The following CELF1 variants were observed in gnomAD, a reference collection of about 807,000 sequenced individuals.
CELF1 encodes the protein 50 kDa nuclear polyadenylated RNA-binding protein.
A neutral mutation model predicts 61.8 loss-of-function variants in CELF1; 10 were observed. The ratio of observed to expected loss-of-function variants is 0.16; its 90% CI spans 0.10 to 0.27. CELF1 has a LOEUF of 0.27. Among genes scored for constraint, CELF1 ranks in the 10% least tolerant of loss-of-function variants. The pLI, the probability that CELF1 is intolerant of heterozygous loss-of-function variation, is 1.00. For synonymous variants in CELF1, 236 were observed against 225.1 expected (o/e 1.05, Z -0.43); for missense variants, 380 against 639.1 (o/e 0.59, Z 4.37).
At position 47,487,242 on chromosome 11, in the gene CELF1, C is replaced by A; in HGVS notation, c.260-1G>T. ...GTGTAAAATGTAACAAAACAGCACC[C>A]TGCAATAAATAAGATTTCATAAAAT... On this transcript the variant is annotated splice_acceptor_variant, in intron 4 of 14. Transcript: ENST00000687097. LOFTEE classifies it high-confidence loss of function. The A allele has an allele frequency of 6.2e-7, 1 of 1,607,932 alleles. No individual in the cohort carries two copies. Among genetic ancestry groups the A allele is most frequent in the South Asian group, 1.1e-5 (1 of 90,810 alleles).
At chr11:47,503,841 T>C (rs1269568275) in intron 1 of CELF1, among the ~76,000 whole-genome samples, 2 of 152,196 alleles carry the variant, frequency 1.3e-5, no homozygotes, top group Non-Finnish European at 2.9e-5. Flanking sequence ...TTTCACTTTG[T>C]GGAAGATTTC....
At chr11:47,483,605 G>C (rs1345967326) in intron 7 of CELF1, 73 bp from the exon 8 acceptor site, 2 of 1,103,090 alleles carry the variant, frequency 1.8e-6, no homozygotes, top group African/African-American at 1.5e-5. Context: ...CACCTACTAT[G>C]TGCTGACTAT....
At chr11:47,562,317 G>C (rs958131176) in intron 2 of CELF1, among the ~76,000 whole-genome samples, 1 of 151,738 alleles carries the variant, frequency 6.6e-6, no homozygotes, top group Non-Finnish European at 1.5e-5. Context: ...CTTGAGTCCA[G>C]GAGTTCGAGA....
chr11:47,472,131 G>C lies in CELF1; in HGVS notation c.*99C>G, dbSNP rs2077891397. The C allele has an allele frequency of 1.4e-6, 2 of 1,410,548 alleles. No individual in the cohort carries two copies. The highest frequency in any genetic ancestry group is 2.3e-5 in the East Asian group (1 of 43,414). The allele number at this position is 1,410,548 out of a possible 1,614,324, so 87.4% of individuals were successfully genotyped here. ...CGAGAGTGGCAGGGATCAGGGTCCA[G>C]GGCTGTCAACACACAGCCTCAGGGC... On this transcript the variant is annotated 3_prime_UTR_variant, in exon 15 of 15. Coordinates refer to ENST00000687097, the MANE Select transcript of CELF1 (RefSeq NM_001376376.1).
chr11:47,488,797 A>G (rs775395685), intron 4 of CELF1, 40 bp downstream of exon 4: 12 of 1,381,816 alleles, frequency 8.7e-6, no homozygotes, highest in Non-Finnish European at 9.5e-6. Context: ...TCTGAGAGTC[A>G]GTGGAAAAAA....
chr11:47,564,050 G>A (rs1167630730), intron 2 of CELF1, among the ~76,000 whole-genome samples: 7 of 151,618 alleles, frequency 4.6e-5, no homozygotes, highest in African/African-American at 1.5e-4. Flanking sequence ...GCTTGGGCCG[G>A]GCGTGTGGCT....
intron 1 of CELF1, among the ~76,000 whole-genome samples, chr11:47,530,850 G>A (rs907925491): frequency 6.6e-6 from 1 of 152,078 alleles, no homozygotes. Context: ...AGCTACTTGA[G>A]AGGTTGAGGC....
intron 1 of CELF1, among the ~76,000 whole-genome samples, chr11:47,544,961 T>C (rs1223820716): frequency 2.6e-5 from 4 of 151,732 alleles, no homozygotes; most frequent in Non-Finnish European, 5.9e-5. Context: ...ACACTCACTC[T>C]CAAAAAAATA....
chr11:47,507,140 TAA>T (rs1187765262), intron 1 of CELF1, among the ~76,000 whole-genome samples: 1 of 152,214 alleles, frequency 6.6e-6, no homozygotes, highest in African/African-American at 2.4e-5. Flanking sequence ...CTAAAAGGTT[TAA>T]AAGAGTCTTG....
chr11:47,479,632 CAAAT>C (rs546423970), intron 9 of CELF1, among the ~76,000 whole-genome samples: 31 of 152,298 alleles, frequency 2.0e-4, no homozygotes, highest in African/African-American at 7.0e-4. Context: ...GGTCCCATGA[CAAAT>C]AAAGTAAGAG....
At chr11:47,527,205 A>G (rs550673722) in intron 1 of CELF1, among the ~76,000 whole-genome samples, 1 of 152,034 alleles carries the variant, frequency 6.6e-6, no homozygotes, top group Non-Finnish European at 1.5e-5. Flanking sequence ...AACACTAAAC[A>G]TAAGGAGACC....
At chr11:47,488,719 C>T in intron 4 of CELF1, 118 bp downstream of exon 4, 1 of 711,490 alleles carries the variant, frequency 1.4e-6, no homozygotes, top group Admixed American at 3.1e-5. Flanking sequence ...AGAGAATGCA[C>T]ATGAAAGAAA....
intron 10 of CELF1, 81 bp downstream of exon 10, chr11:47,478,796 G>T (rs150388672): frequency 2.6e-6 from 3 of 1,144,036 alleles, no homozygotes; most frequent in South Asian, 1.3e-5. Context: ...TCACAGAAAC[G>T]ATGCCAAACT....
chr11:47,547,065 CAAAAAAAAAAAAAAAAA>C (rs61222771), intron 1 of CELF1, among the ~76,000 whole-genome samples: 2 of 39,954 alleles, frequency 5.0e-5, no homozygotes, highest in South Asian at 1.6e-3. Flanking sequence ...AACTCCACCT[CAAAAAAAAAAAAAAAAA>C]AAAAAAAAAA....
At position 47,488,807 on chromosome 11, in the gene CELF1, A is replaced by G. The variant is rs560066380; in HGVS notation, c.259+30T>C. On this transcript the variant is annotated intron_variant, in intron 4 of 14. Transcript: ENST00000687097. ...CCTGCTCTGAGAGTCAGTGGAAAAA[A>G]TAAGATAAACCAAAACCCAAAGCCC... 1.8e-5 allele frequency: 26 copies of G among 1,406,960 alleles called. No individual in the cohort carries two copies. The South Asian group carries it at 3.9e-4, about 21-fold the overall frequency. 87.2% of individuals were successfully genotyped at this position (1,406,960 alleles called of 1,614,324 possible).
chr11:47,519,971 TGTC>T (rs1417888999), intron 1 of CELF1, among the ~76,000 whole-genome samples: 1 of 151,192 alleles, frequency 6.6e-6, no homozygotes, highest in Non-Finnish European at 1.5e-5. Context: ...AAATTTAACT[TGTC>T]AGTGCTTTGA....
At chr11:47,474,062 A>G (rs1204134273) in intron 13 of CELF1, among the ~76,000 whole-genome samples, 1 of 151,968 alleles carries the variant, frequency 6.6e-6, no homozygotes, top group Non-Finnish European at 1.5e-5. Context: ...AGGCGCCACC[A>G]TGCCTGGCGT....
chr11:47,473,259 T>C lies in CELF1; in HGVS notation c.1274-28A>G, dbSNP rs760936525. On this transcript the variant is annotated intron_variant, in intron 13 of 14. Transcript: ENST00000687097. ...TCAAAATACCCAGGAATTGGAAAAG[T>C]ATCAGTGTCAAACATGCTCGTCGCC... 1.9e-6 allele frequency: 3 copies of C among 1,607,024 alleles called. No homozygotes were observed. The South Asian group carries it at 3.3e-5, about 18-fold the overall frequency.
At chr11:47,552,846 G>C (rs962246001) in intron 1 of CELF1, 146 bp downstream of exon 1, 1 of 395,134 alleles carries the variant, frequency 2.5e-6, no homozygotes, top group Non-Finnish European at 4.5e-6. Context: ...CCCTACCCCA[G>C]GACGCAGGGA....
Sources: gnomAD v4.1 joint callset for allele counts (sites outside exome capture counted in the v4.1 genomes callset) on GRCh38, gnomAD v4.1.1 for gene constraint, MANE v1.5 for transcripts, NCBI Gene and HGNC (gene_info 2026-07-23, HGNC 2026-07-21) for gene names.